Variants in ZZZ3 observed in about 807,000 individuals in gnomAD.
The protein encoded by ZZZ3 is ZZ-type zinc finger-containing protein 3.
ZZZ3 carries 22 observed loss-of-function variants against 95.2 expected under a neutral mutation model. The ratio of observed to expected loss-of-function variants is 0.23; its 90% confidence interval spans 0.17 to 0.33. The LOEUF is 0.33. Among genes scored for constraint, ZZZ3 ranks in the 10% least tolerant of loss-of-function variants. The pLI is 1.00. For synonymous variants in ZZZ3, 335 were observed against 358.9 expected (o/e 0.93, Z 0.75); for missense variants, 885 against 1,066.5 (o/e 0.83, Z 2.37).
At chr1:77,678,137 G>A (rs1672433876) in intron 1 of ZZZ3, among the ~76,000 whole-genome samples, 1 of 152,128 alleles carries the variant, frequency 6.6e-6, no homozygotes, top group East Asian at 1.9e-4. Flanking sequence ...TGAATCATAT[G>A]CATAGGTCAT....
chr1:77,660,053 T>C lies in ZZZ3; in HGVS notation c.-402-18398A>G, dbSNP rs533412207. On this transcript the variant is annotated intron_variant, in intron 1 of 14. Coordinates refer to ENST00000370801, the MANE Select transcript of ZZZ3 (RefSeq NM_015534.6). ...CACTATGTTGCCCAGGCTGGAGTGG[T>C]ACTCCTGGCCTCAAGTGATCCTCCA... Among the ~76,000 whole-genome samples the C allele has an allele frequency of 3.3e-5, 5 of 152,184 alleles. No individual in the cohort carries two copies. The South Asian group carries it at 1.0e-3, about 32-fold the overall frequency.
chr1:77,679,364 G>A (rs980123409), intron 1 of ZZZ3, among the ~76,000 whole-genome samples: 8 of 152,182 alleles, frequency 5.3e-5, no homozygotes, highest in Admixed American at 3.9e-4. Context: ...GGAGTGCAAT[G>A]GTGCAATCAC....
In ZZZ3 at chr1:77,632,446, G is replaced by C. The variant is rs1440955710; in HGVS notation, c.909C>G (p.Pro303=). The change falls in exon 5 of 15, where the codon CCC becomes CCG. Residue 303 remains proline, a synonymous_variant. Coordinates refer to ENST00000370801, the MANE Select transcript of ZZZ3 (RefSeq NM_015534.6). ...NQLTTEPATG[P]FSETQSSLRD... Reference sequence around the variant, plus strand: ...TTAAAGATGACTGAGTTTCAGAAAAGGGCCCTGTAGCTGGCTCAGTAGTCA... The same window carrying C: ...TTAAAGATGACTGAGTTTCAGAAAACGGCCCTGTAGCTGGCTCAGTAGTCA... 2 of 1,614,116 alleles carry C rather than the reference G, an allele frequency of 1.2e-6. No individual in the cohort carries two copies. Among genetic ancestry groups the C allele is most frequent in the Non-Finnish European group, 1.7e-6 (2 of 1,180,008 alleles).
chr1:77,588,713 C>T (rs1382671229), intron 5 of ZZZ3, among the ~76,000 whole-genome samples: 1 of 149,176 alleles, frequency 6.7e-6, no homozygotes, highest in African/African-American at 2.5e-5. Context: ...TAGAATAACT[C>T]AAAAAAAAAA....
chr1:77,672,819 T>C (rs569275479), intron 1 of ZZZ3, among the ~76,000 whole-genome samples: 3 of 152,358 alleles, frequency 2.0e-5, no homozygotes, highest in Non-Finnish European at 4.4e-5. Context: ...AGTAACTCTA[T>C]AACCATTACA....
At chr1:77,661,838 A>G (rs1570641016) in intron 1 of ZZZ3, among the ~76,000 whole-genome samples, 1 of 152,144 alleles carries the variant, frequency 6.6e-6, no homozygotes, top group Non-Finnish European at 1.5e-5. Context: ...TGTTTTCCAG[A>G]CGAGGTCTTG....
chr1:77,562,873 C>T lies in ZZZ3; in HGVS notation c.*2767G>A, dbSNP rs1034876216. The T allele has an allele frequency of 1.3e-5, 2 of 152,552 alleles. No homozygotes were observed. Among genetic ancestry groups the T allele is most frequent in the Non-Finnish European group, 2.9e-5 (2 of 68,040 alleles). The allele number at this position is 152,552 out of a possible 1,614,324, so 9.4% of individuals were successfully genotyped here. A position where few individuals can be genotyped will look rare whatever the true frequency, so the allele number is the denominator to read the frequency against. On this transcript the variant is annotated 3_prime_UTR_variant, in exon 15 of 15. Coordinates refer to ENST00000370801, the MANE Select transcript of ZZZ3 (RefSeq NM_015534.6). Reference sequence around the variant, plus strand: ...TCAGGAAACAGGATAGTAAGGCAGACGCTGACTCTGAAGTAATCTGCCTAG... The same window carrying T: ...TCAGGAAACAGGATAGTAAGGCAGATGCTGACTCTGAAGTAATCTGCCTAG...
chr1:77,613,461 T>TA (rs200156851), intron 5 of ZZZ3, among the ~76,000 whole-genome samples: 8,167 of 141,760 alleles, frequency 0.058, 285 homozygotes, highest in African/African-American at 0.11. Flanking sequence ...TCCACGCCTT[T>TA]AAAAAAAAAA....
chr1:77,570,859 G>A (rs1248731125), intron 12 of ZZZ3, among the ~76,000 whole-genome samples: 6 of 138,758 alleles, frequency 4.3e-5, no homozygotes, highest in Non-Finnish European at 7.7e-5. Context: ...TTGTAGAGAC[G>A]GGGTTTCGTC....
At chr1:77,589,061 G>A (rs1018356888) in intron 5 of ZZZ3, among the ~76,000 whole-genome samples, 6 of 152,132 alleles carry the variant, frequency 3.9e-5, no homozygotes, top group African/African-American at 1.4e-4. Context: ...ATTTTTTGTA[G>A]AGAAAGGGTC....
chr1:77,641,237 G>A (rs915031187), intron 3 of ZZZ3, 147 bp downstream of exon 3: 4 of 255,022 alleles, frequency 1.6e-5, no homozygotes, highest in Non-Finnish European at 2.9e-5. Flanking sequence ...GAGCATACTG[G>A]AATGTGCCCT....
At chr1:77,644,935 T>G (rs1018115872) in intron 1 of ZZZ3, among the ~76,000 whole-genome samples, 1 of 152,194 alleles carries the variant, frequency 6.6e-6, no homozygotes, top group Non-Finnish European at 1.5e-5. Context: ...AAAACTTTAG[T>G]GTTCGGGCTG....
intron 5 of ZZZ3, among the ~76,000 whole-genome samples, chr1:77,609,083 C>G (rs1439689898): frequency 6.6e-6 from 1 of 151,982 alleles, no homozygotes; most frequent in Non-Finnish European, 1.5e-5. Flanking sequence ...TCAAAAGACA[C>G]AGACTGGCTG....
At chr1:77,671,985 C>A in intron 1 of ZZZ3, among the ~76,000 whole-genome samples, 1 of 152,060 alleles carries the variant, frequency 6.6e-6, no homozygotes, top group Non-Finnish European at 1.5e-5. Context: ...ACACACTGGA[C>A]AAAGGGATGA....
intron 1 of ZZZ3, among the ~76,000 whole-genome samples, chr1:77,644,621 T>G (rs557006455): frequency 1.3e-5 from 2 of 152,226 alleles, no homozygotes; most frequent in Non-Finnish European, 2.9e-5. Context: ...TATTTCGCCA[T>G]GAGCAAGTCA....
At chr1:77,590,708 T>C (rs771654358) in intron 5 of ZZZ3, among the ~76,000 whole-genome samples, 5 of 152,254 alleles carry the variant, frequency 3.3e-5, no homozygotes, top group Non-Finnish European at 7.3e-5. Flanking sequence ...TAAATATAGA[T>C]TGTGCAGTAT....
At chr1:77,612,161 T>C (rs1235155923) in intron 5 of ZZZ3, among the ~76,000 whole-genome samples, 4 of 151,936 alleles carry the variant, frequency 2.6e-5, no homozygotes, top group African/African-American at 9.7e-5. Flanking sequence ...TCCAAAGACA[T>C]AAAAATGGTC....
chr1:77,678,956 GT>G (rs1672506754), intron 1 of ZZZ3, among the ~76,000 whole-genome samples: 1 of 152,078 alleles, frequency 6.6e-6, no homozygotes, highest in South Asian at 2.1e-4. Context: ...TATCTGAATA[GT>G]TTGATTAATC....
chr1:77,592,964 G>A (rs944743037), intron 5 of ZZZ3, among the ~76,000 whole-genome samples: 2 of 152,184 alleles, frequency 1.3e-5, no homozygotes, highest in Admixed American at 1.3e-4. Flanking sequence ...GATAAAACAT[G>A]TTTTTGGGGC....
Sources: gnomAD v4.1 joint callset for allele counts (sites outside exome capture counted in the v4.1 genomes callset) on GRCh38, gnomAD v4.1.1 for gene constraint, MANE v1.5 for transcripts, NCBI Gene and HGNC (gene_info 2026-07-23, HGNC 2026-07-21) for gene names.